ESRRB: variants seen among roughly 807,000 people sequenced by gnomAD.
The protein encoded by ESRRB is estrogen related receptor beta, also known as steroid hormone receptor ERR2.
A neutral mutation model predicts 46.0 loss-of-function variants in ESRRB; 16 were observed. The ratio of observed to expected loss-of-function variants is 0.35; its 90% confidence interval spans 0.24 to 0.53. The LOEUF is 0.53. ESRRB is among the 20% of genes least tolerant of loss of function. The pLI, the probability that ESRRB is intolerant of heterozygous loss-of-function variation, is 0.93. For synonymous variants in ESRRB, 246 were observed against 259.6 expected (o/e 0.95, Z 0.50); for missense variants, 488 against 607.4 (o/e 0.80, Z 2.07).
intron 1 of ESRRB, among the ~76,000 whole-genome samples, chr14:76,331,105 G>A (rs1375452816): frequency 2.6e-5 from 4 of 152,088 alleles, no homozygotes; most frequent in African/African-American, 9.7e-5. Flanking sequence ...GGAAGGGATC[G>A]CCTCCCCATA....
intron 2 of ESRRB, among the ~76,000 whole-genome samples, chr14:76,459,970 C>CT (rs60620192): frequency 0.14 from 21,690 of 152,068 alleles, 2,499 homozygotes; most frequent in African/African-American, 0.33. Context: ...CTGTAGATCT[C>CT]TGAGGTGCTC....
rs139609573 is a variant in ESRRB at position 76,473,641 on chromosome 14, C to T, written c.578-8375C>T. Among the ~76,000 whole-genome samples, 528 of 152,356 alleles carry T rather than the reference C, an allele frequency of 3.5e-3. 1 individual carries two copies. Among genetic ancestry groups the T allele is most frequent in the Non-Finnish European group, 6.0e-3 (410 of 68,034 alleles). On this transcript the variant is annotated intron_variant, in intron 3 of 6. Transcript: ENST00000644823. ...GACCCTGCACACTCGGCTATTTTTA[C>T]TTCCGAAAGACTGGGATCTTGTCCA... is the stretch of plus-strand genomic sequence containing the variant.
chr14:76,485,233 A>ATTTTT (rs34504939), intron 5 of ESRRB, among the ~76,000 whole-genome samples: 35 of 91,856 alleles, frequency 3.8e-4, no homozygotes, highest in African/African-American at 5.5e-4. Context: ...CAAATGCCTG[A>ATTTTT]TTTTTTTTTT....
intron 1 of ESRRB, among the ~76,000 whole-genome samples, chr14:76,331,947 A>G (rs934318400): frequency 6.6e-6 from 1 of 152,000 alleles, no homozygotes; most frequent in African/African-American, 2.4e-5. Context: ...TCATTTCCTG[A>G]GAACTTTGTG....
intron 6 of ESRRB, 81 bp downstream of exon 6, chr14:76,491,797 G>A: frequency 7.0e-7 from 1 of 1,438,766 alleles, no homozygotes; most frequent in Non-Finnish European, 9.3e-7. Context: ...GGGCCTGTGG[G>A]CAGGGCTGGC....
chr14:76,449,956 C>A (rs1318858976), intron 2 of ESRRB, among the ~76,000 whole-genome samples: 1 of 152,110 alleles, frequency 6.6e-6, no homozygotes, highest in African/African-American at 2.4e-5. Context: ...AGCGGAGTCT[C>A]TCTATGTTGC....
At chr14:76,391,545 T>C (rs1047355163) in intron 1 of ESRRB, among the ~76,000 whole-genome samples, 1 of 152,208 alleles carries the variant, frequency 6.6e-6, no homozygotes, top group Non-Finnish European at 1.5e-5. Context: ...CAAATGCCCT[T>C]TGGAGCGGCC....
Position 76,327,028 on chromosome 14 carries a change from C to T in ESRRB, c.2+16112C>T, listed in dbSNP as rs1883938177. ...AGGCCTGGGCCGGGTGACCTCGCAG[C>T]TGTGCCTTCCACCCCTCAGGGGCTT... On this transcript the variant is annotated intron_variant, in intron 1 of 6. Transcript: ENST00000512784. 1.3e-5 allele frequency among the ~76,000 whole-genome samples: 2 copies of T among 152,274 alleles called. 1 individual carries two copies. The highest frequency in any genetic ancestry group is 1.3e-4 in the Admixed American group (2 of 15,294).
At chr14:76,378,284 G>T (rs1884862463) in intron 1 of ESRRB, among the ~76,000 whole-genome samples, 1 of 152,180 alleles carries the variant, frequency 6.6e-6, no homozygotes, top group Non-Finnish European at 1.5e-5. Flanking sequence ...GGAAAGCAAG[G>T]AGTGAGATGG....
At chr14:76,360,462 C>T (rs1007954709) in intron 1 of ESRRB, among the ~76,000 whole-genome samples, 5 of 152,110 alleles carry the variant, frequency 3.3e-5, no homozygotes, top group African/African-American at 1.2e-4. Flanking sequence ...AAGAGGCCAA[C>T]TTTGCTGTAG....
At chr14:76,373,277 A>T (rs1005130572), upstream of ESRRB, among the ~76,000 whole-genome samples, 1 of 152,182 alleles carries the variant, frequency 6.6e-6, no homozygotes, top group Admixed American at 6.5e-5. Context: ...GCAGTAAAAT[A>T]AATCATGATT....
intron 3 of ESRRB, among the ~76,000 whole-genome samples, chr14:76,466,656 TG>T (rs1227560419): frequency 6.6e-6 from 1 of 152,054 alleles, no homozygotes; most frequent in Non-Finnish European, 1.5e-5. Flanking sequence ...ACACAAAATC[TG>T]GGTTAGGAGT....
chr14:76,377,139 C>T (rs990894786), intron 1 of ESRRB, among the ~76,000 whole-genome samples: 1 of 152,180 alleles, frequency 6.6e-6, no homozygotes, highest in Admixed American at 6.5e-5. Flanking sequence ...TGCTCCGAGG[C>T]GGCTTTGCGC....
intron 1 of ESRRB, among the ~76,000 whole-genome samples, chr14:76,354,455 A>C (rs1428332857): frequency 4.6e-5 from 7 of 151,652 alleles, no homozygotes; most frequent in Admixed American, 2.0e-4. Flanking sequence ...TCACCATTGC[A>C]CTCTGAAGGG....
At chr14:76,406,393 T>C (rs1332481579) in intron 1 of ESRRB, among the ~76,000 whole-genome samples, 1 of 152,172 alleles carries the variant, frequency 6.6e-6, no homozygotes, top group Non-Finnish European at 1.5e-5. Flanking sequence ...ACTCTCCAGA[T>C]ACCCATTAGC....
At chr14:76,492,191 T>G (rs1890257874) in intron 6 of ESRRB, among the ~76,000 whole-genome samples, 1 of 152,142 alleles carries the variant, frequency 6.6e-6, no homozygotes, top group Non-Finnish European at 1.5e-5. Flanking sequence ...ATAGACGGGG[T>G]CTTGTTCTGT....
rs372648678 is a variant in ESRRB, at chr14:76,491,670, G to A, written c.1074G>A (p.Glu358=). 2.5e-5 allele frequency: 40 copies of A among 1,587,732 alleles called. No homozygotes were observed. Among genetic ancestry groups the A allele is most frequent in the Non-Finnish European group, 3.3e-5 (39 of 1,168,992 alleles). The change falls in exon 6 of 7, where the codon GAG becomes GAA. Residue 358 remains glutamate, a synonymous_variant. Coordinates refer to ENST00000644823, the MANE Select transcript of ESRRB (RefSeq NM_001379180.1). ...GCAGGTACAAGAAGCTCAAGGTGGA[G>A]AAGGAGGAGTTTGTGACGCTCAAGG... The part of the protein sequence containing the change: ...LVRRYKKLKV[E]KEEFVTLKAL...
upstream of ESRRB, among the ~76,000 whole-genome samples, chr14:76,372,787 A>G (rs1487335940): frequency 2.0e-5 from 3 of 152,224 alleles, no homozygotes; most frequent in Non-Finnish European, 4.4e-5. Flanking sequence ...AGCTGAGATC[A>G]TGCCACTGCA....
chr14:76,412,811 G>A (rs1215626277), intron 1 of ESRRB, among the ~76,000 whole-genome samples: 5 of 152,194 alleles, frequency 3.3e-5, no homozygotes. Context: ...GGGGAAATAA[G>A]GACAGGATTG....
Sources: allele counts gnomAD v4.1 joint callset (sites outside exome capture counted in the v4.1 genomes callset), GRCh38; gene constraint gnomAD v4.1.1; transcripts MANE v1.5; gene names NCBI Gene and HGNC (gene_info 2026-07-23, HGNC 2026-07-21).